Variants in DCC observed in about 807,000 individuals in gnomAD.
The protein encoded by DCC is netrin receptor DCC.
A neutral mutation model predicts 172.5 loss-of-function variants in DCC; 58 were observed. That is an observed-to-expected ratio of 0.34 (90% CI 0.27 to 0.42). The LOEUF (loss-of-function observed/expected upper bound fraction) is 0.42, where lower values mean the gene tolerates loss of function less well. DCC is among the 10% of genes least tolerant of loss of function. DCC has a pLI of 1.00. For synonymous variants in DCC, 709 were observed against 644.5 expected, an observed-to-expected ratio of 1.10 and a Z score of -1.52; for missense variants, 1,740 against 1,791.0, an observed-to-expected ratio of 0.97 and a Z score of 0.51.
chr18:52,418,464 A>G (rs1367331604), intron 1 of DCC, among the ~76,000 whole-genome samples: 1 of 152,188 alleles, frequency 6.6e-6, no homozygotes, highest in African/African-American at 2.4e-5. Context: ...ACGTACGTCC[A>G]AAAGGTTTGC....
At chr18:53,047,495 TTAA>T (rs1568268602) in intron 5 of DCC, among the ~76,000 whole-genome samples, 166 of 92,580 alleles carry the variant, frequency 1.8e-3, no homozygotes, top group African/African-American at 7.1e-3. Flanking sequence ...CTTTTTTTTA[TTAA>T]ACTGAGAAGT....
intron 1 of DCC, among the ~76,000 whole-genome samples, chr18:52,608,296 G>A (rs950212248): frequency 1.3e-5 from 2 of 152,134 alleles, no homozygotes; most frequent in Non-Finnish European, 2.9e-5. Context: ...AACAGACCTT[G>A]TTTTGAACAC....
At chr18:52,681,380 G>A (rs530839060) in intron 1 of DCC, among the ~76,000 whole-genome samples, 2 of 151,898 alleles carry the variant, frequency 1.3e-5, no homozygotes, top group South Asian at 2.1e-4. Flanking sequence ...ATGCTATCAG[G>A]GAGATGATGT....
chr18:52,610,492 A>C (rs949355901), intron 1 of DCC, among the ~76,000 whole-genome samples: 1 of 150,696 alleles, frequency 6.6e-6, no homozygotes, highest in African/African-American at 2.4e-5. Context: ...ATACTGGGTA[A>C]GACTGACCAT....
intron 2 of DCC, among the ~76,000 whole-genome samples, chr18:52,823,225 T>A (rs978835617): frequency 3.9e-5 from 6 of 152,016 alleles, no homozygotes; most frequent in Admixed American, 3.9e-4. Context: ...ACCCAGTACT[T>A]TGGGAGGCTG....
intron 26 of DCC, among the ~76,000 whole-genome samples, chr18:53,494,350 G>A (rs2045994084): frequency 6.6e-6 from 1 of 152,144 alleles, no homozygotes; most frequent in African/African-American, 2.4e-5. Flanking sequence ...CCAGAGCTGA[G>A]TTCAAGTAAT....
In DCC at chr18:53,531,097, C is replaced by G. The variant is rs1461811004; in HGVS notation, c.*444C>G. The stretch of plus-strand genomic sequence containing the variant: ...TGCAAGCTCACTATTTTGTTTTCAA[C>G]TTAAACATACAAAGCACCCATGGGA... On this transcript the variant is annotated 3_prime_UTR_variant, in exon 29 of 29. Transcript: ENST00000442544. 1 of 219,880 alleles carries G rather than the reference C, an allele frequency of 4.5e-6. No individual in the cohort carries two copies. The highest frequency in any genetic ancestry group is 9.3e-6 in the Non-Finnish European group (1 of 107,914). The allele number at this position is 219,880 out of a possible 1,614,324, so 13.6% of individuals were successfully genotyped here. A position where few individuals can be genotyped will look rare whatever the true frequency, so the allele number is the denominator to read the frequency against.
chr18:53,369,602 C>T (rs2058039778), intron 15 of DCC, among the ~76,000 whole-genome samples: 1 of 151,812 alleles, frequency 6.6e-6, no homozygotes, highest in African/African-American at 2.4e-5. Flanking sequence ...ATTGTGTTTG[C>T]TGTGGCTTTT....
chr18:52,401,139 C>T (rs1986423724), intron 1 of DCC, among the ~76,000 whole-genome samples: 1 of 151,804 alleles, frequency 6.6e-6, no homozygotes, highest in Non-Finnish European at 1.5e-5. Context: ...GCATGTAACT[C>T]AATAGTGGAT....
At chr18:53,206,397 AC>A (rs2144554411) in intron 10 of DCC, among the ~76,000 whole-genome samples, 2 of 72,854 alleles carry the variant, frequency 2.7e-5, no homozygotes, top group African/African-American at 1.1e-4. Flanking sequence ...ATGTATATAT[AC>A]ATATATGTAT....
chr18:52,381,449 G>A (rs1233946746), intron 1 of DCC, among the ~76,000 whole-genome samples: 3 of 152,092 alleles, frequency 2.0e-5, no homozygotes, highest in Non-Finnish European at 2.9e-5. Flanking sequence ...TTGGGCACAA[G>A]GTATGAATTC....
intron 1 of DCC, among the ~76,000 whole-genome samples, chr18:52,631,881 A>C (rs2034683769): frequency 6.6e-6 from 1 of 152,186 alleles, no homozygotes. Context: ...CCCACTTTGG[A>C]AAGCGCAGTC....
intron 2 of DCC, among the ~76,000 whole-genome samples, chr18:52,764,836 A>C (rs912817202): frequency 1.3e-5 from 2 of 152,144 alleles, no homozygotes; most frequent in Non-Finnish European, 2.9e-5. Context: ...TTTCTAGTAG[A>C]TATCACTCCA....
intron 1 of DCC, among the ~76,000 whole-genome samples, chr18:52,503,411 C>T (rs1316714739): frequency 6.6e-6 from 1 of 152,126 alleles, no homozygotes; most frequent in Non-Finnish European, 1.5e-5. Context: ...ATTTGTTGTG[C>T]TAAATCTAAG....
At chr18:52,886,456 T>C (rs528135832) in intron 2 of DCC, among the ~76,000 whole-genome samples, 1 of 152,128 alleles carries the variant, frequency 6.6e-6, no homozygotes, top group Non-Finnish European at 1.5e-5. Flanking sequence ...CTGAGTTCAA[T>C]GTAAAGTCCC....
chr18:52,426,296 A>ATTT lies in DCC; in HGVS notation c.91+85433_91+85435dup, dbSNP rs59755014. 6.4e-3 allele frequency among the ~76,000 whole-genome samples: 912 copies of ATTT among 142,020 alleles called. 14 individuals are homozygous for ATTT. The highest frequency in any genetic ancestry group is 8.0e-3 in the Non-Finnish European group (525 of 65,344). The allele number at this position is 142,020 out of a possible 152,430, so 93.2% of individuals were successfully genotyped here. On this transcript the variant is annotated intron_variant, in intron 1 of 28. Transcript: ENST00000442544. ...TACTAAAGTCAGCTGTAGTGCCAGA[A>ATTT]TTTTTTTTTTTTTTTTTGGCATCGC...
At chr18:52,479,235 T>A (rs1989183283) in intron 1 of DCC, among the ~76,000 whole-genome samples, 1 of 152,206 alleles carries the variant, frequency 6.6e-6, no homozygotes, top group Non-Finnish European at 1.5e-5. Context: ...ATAGATTTTC[T>A]CTTCTTAAGA....
intron 1 of DCC, among the ~76,000 whole-genome samples, chr18:52,700,296 CCA>C (rs34806717): frequency 0.44 from 53,647 of 121,930 alleles, 10,506 homozygotes; most frequent in Middle Eastern, 0.51. Context: ...ACATGCACAT[CCA>C]CACACACATG....
chr18:52,914,536 C>T (rs1003420223), intron 3 of DCC, among the ~76,000 whole-genome samples: 1 of 126,030 alleles, frequency 7.9e-6, no homozygotes, highest in Non-Finnish European at 1.9e-5. Flanking sequence ...TTTCTCCCTC[C>T]ATGTCCAAAA....
Sources: allele counts gnomAD v4.1 joint callset (sites outside exome capture counted in the v4.1 genomes callset), GRCh38; gene constraint gnomAD v4.1.1; transcripts MANE v1.5; gene names NCBI Gene and HGNC (gene_info 2026-07-23, HGNC 2026-07-21).